MACROD2: variants seen among roughly 807,000 people sequenced by gnomAD.
MACROD2 encodes the protein ADP-ribose glycohydrolase MACROD2.
MACROD2 carries 36 observed loss-of-function variants against 70.4 expected under a neutral mutation model. That is an observed-to-expected ratio of 0.51 (90% CI 0.39 to 0.68). The LOEUF (loss-of-function observed/expected upper bound fraction) is 0.68. Among genes scored for constraint, MACROD2 ranks in the 30% least tolerant of loss-of-function variants. The pLI is 0.00. For missense variants in MACROD2, 496 were observed against 538.4 expected (o/e 0.92, Z 0.78); for synonymous variants, 172 against 178.8 (o/e 0.96, Z 0.30).
At position 15,479,265 on chromosome 20, in the gene MACROD2, CTTTTT is replaced by C. The variant is rs767435610; in HGVS notation, c.572-20488_572-20484del. On this transcript the variant is annotated intron_variant, in intron 7 of 17. Coordinates refer to ENST00000684519, the MANE Select transcript of MACROD2 (RefSeq NM_001351661.2). ...TTGTTAAGTACTAGATTCTCGCTCT[CTTTTT>C]TTTTTTTTTTTTTTTTTTTTGAGAC... is the stretch of plus-strand genomic sequence containing the variant. Among the ~76,000 whole-genome samples the C allele has an allele frequency of 2.7e-3, 239 of 87,740 alleles. 1 individual carries two copies. The highest frequency in any genetic ancestry group is 0.012 in the African/African-American group (229 of 18,354). 57.6% of individuals were successfully genotyped at this position (87,740 alleles called of 152,430 possible). A position where few individuals can be genotyped will look rare whatever the true frequency, so the allele number is the denominator to read the frequency against.
Position 15,287,354 on chromosome 20 carries a change from G to T in MACROD2, c.540+57293G>T, listed in dbSNP as rs900465890. ...AGCTTTAATGATGTTTTTCAGCGTT[G>T]TACTGCCTGTTACCACGGCTTCTTA... On this transcript the variant is annotated intron_variant, in intron 6 of 17. Coordinates refer to ENST00000684519, the MANE Select transcript of MACROD2 (RefSeq NM_001351661.2). Among the ~76,000 whole-genome samples, 4 of 152,268 alleles carry T rather than the reference G, an allele frequency of 2.6e-5. No homozygotes were observed. The East Asian group carries it at 5.8e-4, about 22-fold the overall frequency.
intron 8 of MACROD2, among the ~76,000 whole-genome samples, chr20:15,780,740 A>G (rs1483638152): frequency 6.6e-6 from 1 of 152,084 alleles, no homozygotes; most frequent in Non-Finnish European, 1.5e-5. Context: ...GGCTTAGACT[A>G]GGGTGGTATC....
chr20:14,404,820 C>G (rs2083675583), intron 3 of MACROD2, among the ~76,000 whole-genome samples: 1 of 151,636 alleles, frequency 6.6e-6, no homozygotes, highest in Non-Finnish European at 1.5e-5. Flanking sequence ...GCACAAAATG[C>G]AACACTAGAA....
intron 8 of MACROD2, among the ~76,000 whole-genome samples, chr20:15,506,583 C>CAA (rs1341620520): frequency 6.6e-6 from 1 of 151,882 alleles, no homozygotes; most frequent in Admixed American, 6.6e-5. Context: ...TATGGATCAC[C>CAA]GAAAAAAAAC....
intron 5 of MACROD2, among the ~76,000 whole-genome samples, chr20:14,957,619 G>C (rs551057498): frequency 1.1e-4 from 16 of 152,256 alleles, no homozygotes; most frequent in African/African-American, 3.6e-4. Flanking sequence ...TCAGCAGGGA[G>C]GAGTGCAGTG....
intron 3 of MACROD2, among the ~76,000 whole-genome samples, chr20:14,248,179 A>G (rs914641024): frequency 1.3e-4 from 20 of 152,248 alleles, no homozygotes; most frequent in Non-Finnish European, 2.8e-4. Flanking sequence ...AGTCAGGAAT[A>G]AGCTCATGCC....
chr20:15,025,171 A>G (rs74648439), intron 5 of MACROD2, among the ~76,000 whole-genome samples: 16,008 of 152,146 alleles, frequency 0.11, 1,121 homozygotes, highest in Non-Finnish European at 0.15. Flanking sequence ...AAAATTATCC[A>G]TATTATTCCA....
intron 6 of MACROD2, among the ~76,000 whole-genome samples, chr20:15,319,118 G>A (rs1281761718): frequency 6.6e-6 from 1 of 152,136 alleles, no homozygotes; most frequent in East Asian, 1.9e-4. Flanking sequence ...CAGCAAAGTT[G>A]CAGGGCACAA....
intron 3 of MACROD2, among the ~76,000 whole-genome samples, chr20:14,266,486 T>A (rs1411406506): frequency 6.6e-6 from 1 of 152,200 alleles, no homozygotes; most frequent in Non-Finnish European, 1.5e-5. Flanking sequence ...CTCTGACTTT[T>A]GTTGCTGCCA....
In MACROD2 at chr20:14,278,761, TAAC is replaced by T. The variant is rs2082279926; in HGVS notation, c.271+193038_271+193040del. Among the ~76,000 whole-genome samples, 4 of 152,206 alleles carry T rather than the reference TAAC, an allele frequency of 2.6e-5. No individual in the cohort carries two copies. In the South Asian group the frequency reaches 6.2e-4, roughly 24 times the overall value. ...ATTTTGAATGAATTGCTGTCATATT[TAAC>T]AACATTTTGGAGTACATGAGTTCTG... On this transcript the variant is annotated intron_variant, in intron 3 of 17. Transcript: ENST00000684519.
intron 2 of MACROD2, among the ~76,000 whole-genome samples, chr20:14,067,463 A>G (rs1040860889): frequency 2.6e-5 from 4 of 152,174 alleles, no homozygotes; most frequent in African/African-American, 7.2e-5. Context: ...TTCCTTTTTT[A>G]TAAATGAGGA....
chr20:15,849,458 A>T (rs1322079026), intron 8 of MACROD2, among the ~76,000 whole-genome samples: 1 of 152,228 alleles, frequency 6.6e-6, no homozygotes, highest in Admixed American at 6.5e-5. Flanking sequence ...TTGCACGGTT[A>T]TGCAGTGGGC....
chr20:14,366,454 C>T (rs983759591), intron 3 of MACROD2, among the ~76,000 whole-genome samples: 1 of 150,682 alleles, frequency 6.6e-6, no homozygotes, highest in Admixed American at 6.6e-5. Context: ...GCAATCTCTG[C>T]CTCCTGTGTT....
chr20:15,183,196 T>G (rs2076512053), intron 5 of MACROD2, among the ~76,000 whole-genome samples: 1 of 152,224 alleles, frequency 6.6e-6, no homozygotes, highest in South Asian at 2.1e-4. Flanking sequence ...CTTGTTGTCA[T>G]AAAAATAATC....
At chr20:15,559,642 G>A (rs1261877450) in intron 8 of MACROD2, among the ~76,000 whole-genome samples, 5 of 152,218 alleles carry the variant, frequency 3.3e-5, no homozygotes, top group Admixed American at 1.3e-4. Context: ...GCAAGAGCCT[G>A]ACAACCATTG....
chr20:14,835,352 C>G (rs1979987591), intron 5 of MACROD2, among the ~76,000 whole-genome samples: 1 of 151,918 alleles, frequency 6.6e-6, no homozygotes, highest in Non-Finnish European at 1.5e-5. Context: ...CATATGGAGT[C>G]CAGGATTCTA....
At chr20:15,998,623 G>C (rs527516586) in intron 15 of MACROD2, among the ~76,000 whole-genome samples, 5 of 146,552 alleles carry the variant, frequency 3.4e-5, no homozygotes, top group Non-Finnish European at 7.5e-5. Flanking sequence ...GGAGTGCAGT[G>C]GTGTGATCTT....
chr20:15,306,039 G>A (rs1184381368), intron 6 of MACROD2, among the ~76,000 whole-genome samples: 3 of 152,078 alleles, frequency 2.0e-5, no homozygotes, highest in Non-Finnish European at 2.9e-5. Context: ...CAGTGAAGGC[G>A]AGTATCAAAA....
chr20:14,730,278 A>G (rs1453459240), intron 5 of MACROD2, among the ~76,000 whole-genome samples: 2 of 152,146 alleles, frequency 1.3e-5, no homozygotes, highest in African/African-American at 4.8e-5. Context: ...AGTTTCAGGA[A>G]CACCAACAAA....
Sources: gnomAD v4.1 joint callset for allele counts (sites outside exome capture counted in the v4.1 genomes callset) on GRCh38, gnomAD v4.1.1 for gene constraint, MANE v1.5 for transcripts, NCBI Gene and HGNC (gene_info 2026-07-23, HGNC 2026-07-21) for gene names.